Variants in GKAP1 observed in about 807,000 individuals in gnomAD.
GKAP1 encodes the protein G kinase anchoring protein 1, also known as G kinase-anchoring protein 1.
A neutral mutation model predicts 56.7 loss-of-function variants in GKAP1; 31 were observed. That is an observed-to-expected ratio of 0.55 (90% CI 0.41 to 0.74). The LOEUF is 0.74. Among genes scored for constraint, GKAP1 ranks in the 30% least tolerant of loss-of-function variants. The pLI, the probability that GKAP1 is intolerant of heterozygous loss-of-function variation, is 0.00. For synonymous variants in GKAP1, 151 were observed against 138.6 expected, an observed-to-expected ratio of 1.09 and a Z score of -0.63; for missense variants, 364 against 402.3, an observed-to-expected ratio of 0.90 and a Z score of 0.82.
Position 83,797,084 on chromosome 9 carries a change from C to T in GKAP1, c.360+2101G>A, listed in dbSNP as rs564361761. ...GATCCAGTGTTTGCTCATAAACAGG[C>T]GAACTGAGTGCTTTCCTACTGTCCA... is the stretch of plus-strand genomic sequence containing the variant. On this transcript the variant is annotated intron_variant, in intron 4 of 12. Transcript: ENST00000376371. Among the ~76,000 whole-genome samples the T allele has an allele frequency of 3.9e-5, 6 of 152,296 alleles. No individual in the cohort carries two copies. In the South Asian group the frequency reaches 6.2e-4, roughly 16 times the overall value.
At chr9:83,766,822 T>C (rs1187790068) in intron 8 of GKAP1, among the ~76,000 whole-genome samples, 4 of 152,094 alleles carry the variant, frequency 2.6e-5, no homozygotes, top group Non-Finnish European at 4.4e-5. Flanking sequence ...ATGAGAACAT[T>C]AGCAGTGTTT....
rs532065819 is a variant in GKAP1, at chr9:83,770,391, T to C, written c.586-1421A>G. Among the ~76,000 whole-genome samples, 144 of 152,348 alleles carry C rather than the reference T, an allele frequency of 9.5e-4. 1 individual carries two copies. Among genetic ancestry groups the C allele is most frequent in the African/African-American group, 3.4e-3 (141 of 41,578 alleles). On this transcript the variant is annotated intron_variant, in intron 7 of 12. Transcript: ENST00000376371. ...GCATGACAATATCCAGCATCATGTG[T>C]TGAGAAGATTATTCTTTTGCCCTTT...
chr9:83,754,344 T>A (rs1240070878), intron 8 of GKAP1, among the ~76,000 whole-genome samples: 1 of 152,150 alleles, frequency 6.6e-6, no homozygotes, highest in Non-Finnish European at 1.5e-5. Context: ...ATACCTTTGA[T>A]GAGAATATAA....
chr9:83,768,995 C>A, intron 7 of GKAP1, 25 bp from the exon 8 acceptor site: 1 of 1,593,388 alleles, frequency 6.3e-7, no homozygotes, highest in Non-Finnish European at 8.6e-7. Context: ...TTACGATTTA[C>A]TATCATTCAA....
intron 9 of GKAP1, among the ~76,000 whole-genome samples, chr9:83,749,587 C>T (rs1027291060): frequency 1.3e-5 from 2 of 152,178 alleles, no homozygotes; most frequent in South Asian, 2.1e-4. Flanking sequence ...GCATTTAACA[C>T]AGTATAGAAA....
intron 3 of GKAP1, among the ~76,000 whole-genome samples, chr9:83,805,440 G>A (rs1223567582): frequency 1.4e-5 from 2 of 147,818 alleles, no homozygotes; most frequent in African/African-American, 5.1e-5. Flanking sequence ...CCCCCTCTGC[G>A]AGAAACACCC....
chr9:83,781,214 C>G (rs1479357512), intron 6 of GKAP1, among the ~76,000 whole-genome samples: 1 of 152,020 alleles, frequency 6.6e-6, no homozygotes, highest in African/African-American at 2.4e-5. Context: ...AATAAAAAAA[C>G]TAGCCAGGCA....
At chr9:83,787,478 T>C (rs1944084946) in intron 5 of GKAP1, among the ~76,000 whole-genome samples, 1 of 152,208 alleles carries the variant, frequency 6.6e-6, no homozygotes, top group Non-Finnish European at 1.5e-5. Context: ...CCTCAAGCAA[T>C]CCTCCTGTCT....
chr9:83,772,692 ATGTATCTGATAGAGGACTTGTTTT>A (rs1943782662), intron 7 of GKAP1, among the ~76,000 whole-genome samples: 1 of 152,234 alleles, frequency 6.6e-6, no homozygotes, highest in African/African-American at 2.4e-5. Context: ...TTTGCAAATC[ATGTATCTGATAGAGGACTTGTTTT>A]CAGACATATA....
chr9:83,780,481 A>AAAC, intron 6 of GKAP1, 77 bp from the exon 7 acceptor site: 1 of 609,796 alleles, frequency 1.6e-6, no homozygotes, highest in East Asian at 3.8e-5. Flanking sequence ...AAAAAAAAAA[A>AAAC]ACGAAACTGA....
chr9:83,770,104 T>A (rs1022157012), intron 7 of GKAP1, among the ~76,000 whole-genome samples: 4 of 152,210 alleles, frequency 2.6e-5, no homozygotes, highest in African/African-American at 9.7e-5. Flanking sequence ...AATGTCTATA[T>A]CTTATTGAAT....
At chr9:83,807,754 T>C (rs1435039656) in intron 2 of GKAP1, among the ~76,000 whole-genome samples, 4 of 152,232 alleles carry the variant, frequency 2.6e-5, no homozygotes, top group Non-Finnish European at 5.9e-5. Flanking sequence ...TGGTTACATA[T>C]ATATTTCTTA....
chr9:83,804,171 G>A (rs1359441419), intron 3 of GKAP1, among the ~76,000 whole-genome samples: 18 of 135,700 alleles, frequency 1.3e-4, no homozygotes, highest in African/African-American at 1.9e-4. Context: ...GGAGGTGAGG[G>A]GCGCCTCTGC....
chr9:83,785,301 C>G (rs762527732), intron 5 of GKAP1, among the ~76,000 whole-genome samples: 2 of 152,020 alleles, frequency 1.3e-5, no homozygotes, highest in Non-Finnish European at 2.9e-5. Context: ...CTTTCCTCAA[C>G]CTTCTCAAAA....
intron 7 of GKAP1, among the ~76,000 whole-genome samples, chr9:83,779,947 T>G (rs79875868): frequency 7.7e-4 from 117 of 152,068 alleles, no homozygotes; most frequent in African/African-American, 2.5e-3. Flanking sequence ...TATAATCAGG[T>G]TACTTTTACC....
At chr9:83,740,660 C>A (rs1260640291) in intron 12 of GKAP1, among the ~76,000 whole-genome samples, 1 of 152,126 alleles carries the variant, frequency 6.6e-6, no homozygotes, top group Non-Finnish European at 1.5e-5. Context: ...TTGTCCCACA[C>A]CTATTTAATT....
chr9:83,760,686 A>G (rs1240265066), intron 8 of GKAP1, among the ~76,000 whole-genome samples: 4 of 152,322 alleles, frequency 2.6e-5, no homozygotes, highest in Admixed American at 6.5e-5. Context: ...CCACAATGAA[A>G]TAAAGCTACA....
Position 83,817,021 on chromosome 9 carries a change from T to C in GKAP1, c.-69A>G, listed in dbSNP as rs1944618507. 1 of 152,146 alleles carries C rather than the reference T, an allele frequency of 6.6e-6. No individual in the cohort carries two copies. Among genetic ancestry groups the C allele is most frequent in the Admixed American group, 6.5e-5 (1 of 15,286 alleles). The allele number at this position is 152,146 out of a possible 1,614,324, so 9.4% of individuals were successfully genotyped here. ...CTCATTCATGAATGAAAGCCAAATT[T>C]CACCCATAGGCTGTTAACCGATGCT... is the stretch of plus-strand genomic sequence containing the variant. On this transcript the variant is annotated 5_prime_UTR_variant, in exon 2 of 13. Transcript: ENST00000376371.
At chr9:83,811,970 A>C (rs544301671) in intron 2 of GKAP1, among the ~76,000 whole-genome samples, 16 of 152,230 alleles carry the variant, frequency 1.1e-4, no homozygotes, top group African/African-American at 3.9e-4. Flanking sequence ...AGGTACAACG[A>C]CCAGTACTTC....
Sources: gnomAD v4.1 joint callset for allele counts (sites outside exome capture counted in the v4.1 genomes callset) on GRCh38, gnomAD v4.1.1 for gene constraint, MANE v1.5 for transcripts, NCBI Gene and HGNC (gene_info 2026-07-23, HGNC 2026-07-21) for gene names.